The following SCEL variants were observed in gnomAD, a reference collection of about 807,000 sequenced individuals.
The protein encoded by SCEL is sciellin.
In SCEL, 113 loss-of-function variants were observed where a neutral mutation model predicts 117.6. The ratio of observed to expected loss-of-function variants is 0.96; its 90% CI spans 0.83 to 1.12. The LOEUF (loss-of-function observed/expected upper bound fraction) is 1.12, where lower values mean the gene tolerates loss of function less well. Ranked by LOEUF, SCEL falls within the 50% of genes most tolerant of loss-of-function variation. The pLI is 0.00. For synonymous variants in SCEL, 270 were observed against 256.2 expected (o/e 1.05, Z -0.51); for missense variants, 785 against 810.8 (o/e 0.97, Z 0.39).
chr13:77,620,994 C>A (rs1386864875), intron 27 of SCEL, among the ~76,000 whole-genome samples: 1 of 151,990 alleles, frequency 6.6e-6, no homozygotes, highest in South Asian at 2.1e-4. Context: ...TGTTTCATTC[C>A]CCATAATCAA....
At chr13:77,564,885 G>A (rs774215166) in intron 5 of SCEL, among the ~76,000 whole-genome samples, 4 of 152,160 alleles carry the variant, frequency 2.6e-5, no homozygotes, top group Non-Finnish European at 4.4e-5. Flanking sequence ...ATCCTAAAGA[G>A]TTGGTCTTTC....
At chr13:77,554,290 G>T (rs1321832405) in intron 1 of SCEL, among the ~76,000 whole-genome samples, 2 of 152,148 alleles carry the variant, frequency 1.3e-5, no homozygotes. Context: ...GAGTGGGGAG[G>T]TTGTGAAACC....
chr13:77,593,294 G>GCGCGCGCGCGTC (rs2086999610), intron 11 of SCEL, among the ~76,000 whole-genome samples: 1 of 125,226 alleles, frequency 8.0e-6, no homozygotes, highest in East Asian at 2.7e-4. Context: ...GTGTGTGTGT[G>GCGCGCGCGCGTC]TGTCTGTGTG....
At chr13:77,620,940 A>G (rs1288151938) in intron 27 of SCEL, among the ~76,000 whole-genome samples, 2 of 152,090 alleles carry the variant, frequency 1.3e-5, no homozygotes, top group Non-Finnish European at 2.9e-5. Flanking sequence ...TATTTTTCAT[A>G]TTTCTGTTAA....
intron 9 of SCEL, among the ~76,000 whole-genome samples, chr13:77,587,713 G>A (rs1363645288): frequency 2.0e-5 from 3 of 151,984 alleles, no homozygotes; most frequent in Admixed American, 6.6e-5. Context: ...GGGATGCCAC[G>A]CCCTTCTATT....
intron 9 of SCEL, among the ~76,000 whole-genome samples, chr13:77,588,457 T>C (rs1430520320): frequency 6.6e-6 from 1 of 152,110 alleles, no homozygotes; most frequent in Non-Finnish European, 1.5e-5. Context: ...GGGGTGGTAG[T>C]GGTGGGGAAC....
At chr13:77,546,294 T>G (rs2083986237) in intron 1 of SCEL, among the ~76,000 whole-genome samples, 1 of 152,196 alleles carries the variant, frequency 6.6e-6, no homozygotes, top group South Asian at 2.1e-4. Flanking sequence ...CATGGCACTT[T>G]GAGTTACATG....
chr13:77,639,356 A>G (rs539232857), intron 30 of SCEL, among the ~76,000 whole-genome samples: 4 of 152,366 alleles, frequency 2.6e-5, no homozygotes, highest in South Asian at 4.1e-4. Context: ...ATTTATATAC[A>G]TGAGACTTAG....
intron 24 of SCEL, among the ~76,000 whole-genome samples, chr13:77,614,440 C>T (rs1015932384): frequency 2.0e-5 from 3 of 152,042 alleles, no homozygotes; most frequent in Admixed American, 2.0e-4. Flanking sequence ...ATTTACTGTG[C>T]TCAGCAAGGT....
At chr13:77,595,669 G>A (rs868336645) in intron 12 of SCEL, among the ~76,000 whole-genome samples, 1 of 152,174 alleles carries the variant, frequency 6.6e-6, no homozygotes, top group Non-Finnish European at 1.5e-5. Flanking sequence ...TAGTCTCAGA[G>A]TTAGTGGGTA....
Position 77,559,790 on chromosome 13 carries a change from T to C in SCEL, c.162-14T>C, listed in dbSNP as rs2084870500. 2 of 1,612,472 alleles carry C rather than the reference T, an allele frequency of 1.2e-6. No individual in the cohort carries two copies. Among genetic ancestry groups the C allele is most frequent in the Non-Finnish European group, 1.7e-6 (2 of 1,178,716 alleles). ...TAACTTTCTATGTGACATACTTTTGTTCTTTCTTTGCAGAGATGAAAATTA... is the reference window on the plus strand; with the variant it reads ...TAACTTTCTATGTGACATACTTTTGCTCTTTCTTTGCAGAGATGAAAATTA... On this transcript the variant is annotated splice_polypyrimidine_tract_variant and intron_variant, in intron 3 of 32. Transcript: ENST00000349847.
rs1435966050 is a variant in SCEL at position 77,610,121 on chromosome 13, ACT to A, written c.1337+20_1337+21del. On this transcript the variant is annotated intron_variant, in intron 22 of 32. Transcript: ENST00000349847. ...ACTAACCAAGGGTAAGGTTTATGGA[ACT>A]CTCTATTTCTCCCCCCTTTTTTTTT... 6 of 1,582,812 alleles carry A rather than the reference ACT, an allele frequency of 3.8e-6. No individual in the cohort carries two copies. Among genetic ancestry groups the A allele is most frequent in the Non-Finnish European group, 4.3e-6 (5 of 1,158,030 alleles).
chr13:77,626,878 T>C (rs548201288), intron 27 of SCEL, among the ~76,000 whole-genome samples: 1 of 152,114 alleles, frequency 6.6e-6, no homozygotes, highest in South Asian at 2.1e-4. Flanking sequence ...AGGAAAAAAC[T>C]GGGTCTCATT....
chr13:77,605,853 A>C (rs1594099714), intron 19 of SCEL, among the ~76,000 whole-genome samples: 2 of 152,144 alleles, frequency 1.3e-5, no homozygotes, highest in African/African-American at 4.8e-5. Flanking sequence ...AAAAATACAA[A>C]AAGTTAGCTG....
chr13:77,579,139 G>T (rs1242262780), intron 9 of SCEL, among the ~76,000 whole-genome samples: 1 of 152,078 alleles, frequency 6.6e-6, no homozygotes, highest in Non-Finnish European at 1.5e-5. Context: ...AAGAAGTCTG[G>T]CATGAATTTT....
intron 21 of SCEL, 77 bp from the exon 22 acceptor site, chr13:77,609,970 G>A (rs1594111895): frequency 2.5e-6 from 2 of 794,850 alleles, no homozygotes; most frequent in Non-Finnish European, 1.9e-6. Context: ...TATAATAAAA[G>A]TATTTCTCTG....
intron 23 of SCEL, among the ~76,000 whole-genome samples, chr13:77,613,474 T>C (rs1414756972): frequency 6.6e-6 from 1 of 152,138 alleles, no homozygotes; most frequent in African/African-American, 2.4e-5. Context: ...CTATCACTCA[T>C]TGAATTATTG....
chr13:77,585,393 G>C (rs532763125), intron 9 of SCEL, among the ~76,000 whole-genome samples: 2 of 152,262 alleles, frequency 1.3e-5, no homozygotes, highest in African/African-American at 4.8e-5. Context: ...CTCCACAGCG[G>C]GGAGAGAATA....
intron 9 of SCEL, among the ~76,000 whole-genome samples, chr13:77,585,825 C>T (rs1374580657): frequency 6.6e-6 from 1 of 152,146 alleles, no homozygotes; most frequent in Non-Finnish European, 1.5e-5. Context: ...TGCCAAAATC[C>T]TCCACTCTTC....
Sources: gnomAD v4.1 joint callset for allele counts (sites outside exome capture counted in the v4.1 genomes callset) on GRCh38, gnomAD v4.1.1 for gene constraint, MANE v1.5 for transcripts, NCBI Gene and HGNC (gene_info 2026-07-23, HGNC 2026-07-21) for gene names.